Variants in SLC6A15 observed in about 807,000 individuals in gnomAD.
SLC6A15 encodes solute carrier family 6 member 15.
Under a neutral mutation model 68.5 loss-of-function variants are expected in SLC6A15, and 33 were observed. That is an observed-to-expected ratio of 0.48 (90% confidence interval 0.37 to 0.64). The LOEUF (loss-of-function observed/expected upper bound fraction) is 0.64. Among genes scored for constraint, SLC6A15 ranks in the 30% least tolerant of loss-of-function variants. The pLI is 0.00. For synonymous variants in SLC6A15, 347 were observed against 301.0 expected (o/e 1.15, Z -1.58); for missense variants, 747 against 874.3 (o/e 0.85, Z 1.84).
intron 5 of SLC6A15, 171 bp downstream of exon 5, chr12:84,883,688 C>T: frequency 6.5e-7 from 1 of 1,533,160 alleles, no homozygotes; most frequent in Non-Finnish European, 8.8e-7. Flanking sequence ...TTTTATTTGT[C>T]TTTTTAAAAA....
intron 1 of SLC6A15, among the ~76,000 whole-genome samples, chr12:84,911,551 T>C (rs1416965293): frequency 1.3e-5 from 2 of 152,132 alleles, no homozygotes; most frequent in African/African-American, 2.4e-5. Flanking sequence ...AAAACGCACA[T>C]CAAAGGCTGC....
intron 3 of SLC6A15, 65 bp from the exon 4 acceptor site, chr12:84,885,626 A>G: frequency 1.4e-6 from 2 of 1,442,578 alleles, no homozygotes; most frequent in Admixed American, 4.5e-5. Context: ...ATGAGATCAA[A>G]TGCATAAAAT....
intron 1 of SLC6A15, among the ~76,000 whole-genome samples, chr12:84,911,191 A>C (rs1457724037): frequency 1.3e-5 from 2 of 152,172 alleles, no homozygotes; most frequent in African/African-American, 2.4e-5. Flanking sequence ...GGCACAGCAG[A>C]AAAGCAATCA....
chr12:84,860,470 A>G lies in SLC6A15; in HGVS notation c.*1162T>C, dbSNP rs3825185. The G allele has an allele frequency of 3.9e-5, 6 of 152,242 alleles. No individual in the cohort carries two copies. The East Asian group carries it at 9.6e-4, about 24-fold the overall frequency. The allele number at this position is 152,242 out of a possible 1,614,324, so 9.4% of individuals were successfully genotyped here. A position where few individuals can be genotyped will look rare whatever the true frequency, so the allele number is the denominator to read the frequency against. On this transcript the variant is annotated 3_prime_UTR_variant, in exon 12 of 12. Transcript: ENST00000266682. ...AATCATAAGACTACATAAGAACACC[A>G]TTGAACCATAATACTCTATTTTTCC... is the stretch of plus-strand genomic sequence containing the variant.
At chr12:84,877,774 G>C (rs1871622239) in intron 5 of SLC6A15, among the ~76,000 whole-genome samples, 1 of 151,952 alleles carries the variant, frequency 6.6e-6, no homozygotes, top group Non-Finnish European at 1.5e-5. Flanking sequence ...TATTACCCTA[G>C]GTTTGTTGTT....
Position 84,885,484 on chromosome 12 carries a change from T to G in SLC6A15, c.525A>C (p.Gln175His), listed in dbSNP as rs773386994. 1.9e-6 allele frequency: 3 copies of G among 1,613,526 alleles called. No homozygotes were observed. The African/African-American group carries it at 4.0e-5, about 22-fold the overall frequency. Residue 175 changes from glutamine to histidine, a missense_variant, in exon 4 of 12, where the codon CAA becomes CAC. Physicochemically the swap from Gln to His is conservative, Grantham distance 24 (BLOSUM62 0). Coordinates refer to ENST00000266682, the MANE Select transcript of SLC6A15 (RefSeq NM_182767.6). ...AAGGACACTGATCCCAAGGCAGGGG[T>G]TGCTGAAAAGACTGAGAAAAATAAA... ...SLFYFSQSFQ[Q>H]PLPWDQCPLV...
intron 5 of SLC6A15, chr12:84,883,567 T>C (rs1047136720): frequency 3.0e-5 from 42 of 1,378,668 alleles, no homozygotes; most frequent in Non-Finnish European, 3.6e-5. Context: ...TTAGGACTAA[T>C]TGAATAAAGG....
intron 5 of SLC6A15, 26 bp downstream of exon 5, chr12:84,883,833 A>G: frequency 6.2e-7 from 1 of 1,614,098 alleles, no homozygotes. Context: ...GATTAGCAGA[A>G]TGAGGAAGGG....
chr12:84,875,668 A>G (rs1292809225), intron 6 of SLC6A15, among the ~76,000 whole-genome samples: 1 of 86 alleles, frequency 0.012, no homozygotes, highest in African/African-American at 0.018. Flanking sequence ...ATATATATAT[A>G]TATATATATA....
At chr12:84,902,997 T>C (rs1872955986) in intron 1 of SLC6A15, among the ~76,000 whole-genome samples, 1 of 152,120 alleles carries the variant, frequency 6.6e-6, no homozygotes, top group South Asian at 2.1e-4. Context: ...ATACTATGGA[T>C]TATACCAGCA....
chr12:84,866,989 CA>C (rs1253983534), intron 10 of SLC6A15, 44 bp downstream of exon 10: 2 of 1,385,074 alleles, frequency 1.4e-6, no homozygotes, highest in Non-Finnish European at 1.9e-6. Context: ...TTGATGTTTT[CA>C]AACTAGAGAT....
intron 2 of SLC6A15, among the ~76,000 whole-genome samples, chr12:84,889,973 A>T (rs1872314985): frequency 6.6e-6 from 1 of 152,160 alleles, no homozygotes; most frequent in Admixed American, 6.5e-5. Context: ...TTACTCAAAA[A>T]GTGCTTAAGT....
Position 84,867,171 on chromosome 12 carries a change from A to T in SLC6A15, c.1518T>A (p.Phe506Leu), listed in dbSNP as rs762762083. 6.2e-7 allele frequency: 1 copy of T among 1,603,328 alleles called. No homozygotes were observed. The highest frequency in any genetic ancestry group is 1.1e-5 in the South Asian group (1 of 88,424). ...GTTGCACAAATATCAGGCCAATACAAAATGCCAGAAGACAACAGATAACTA... is the reference window on the plus strand; with the variant it reads ...GTTGCACAAATATCAGGCCAATACATAATGCCAGAAGACAACAGATAACTA... ...ILTVICCLLA[F>L]CIGLIFVQRS... Residue 506 changes from phenylalanine (F) to leucine (L), a missense_variant, in exon 10 of 12, where the codon TTT (phenylalanine) becomes TTA (leucine). Physicochemically the swap from Phe to Leu is conservative, Grantham distance 22 (BLOSUM62 0). Transcript: ENST00000266682.
chr12:84,861,970 G>C lies in SLC6A15; in HGVS notation c.1855C>G (p.Leu619Val). The C allele has an allele frequency of 6.2e-7, 1 of 1,611,082 alleles. No individual in the cohort carries two copies. The highest frequency in any genetic ancestry group is 8.5e-7 in the Non-Finnish European group (1 of 1,178,890). Reference sequence around the variant, plus strand: ...ACAACCAGAGAGACACAAACAACCAGTCCCCATGTTGGATAGCTCAGAAAT... The same window carrying C: ...ACAACCAGAGAGACACAAACAACCACTCCCCATGTTGGATAGCTCAGAAAT... ...EEFLSYPTWG[L>V]VVCVSLVVFA... The change falls in exon 12 of 12, where the codon CTG becomes GTG. Residue 619 changes from leucine to valine, a missense_variant. Transcript: ENST00000266682.
intron 10 of SLC6A15, 26 bp downstream of exon 10, chr12:84,867,008 G>C (rs1179296445): frequency 4.7e-6 from 7 of 1,497,170 alleles, no homozygotes; most frequent in Non-Finnish European, 6.3e-6. Context: ...GATTAAAAGT[G>C]AATACATAAA....
At chr12:84,890,127 A>G (rs1872321093) in intron 2 of SLC6A15, among the ~76,000 whole-genome samples, 1 of 152,200 alleles carries the variant, frequency 6.6e-6, no homozygotes, top group Non-Finnish European at 1.5e-5. Flanking sequence ...ACCATTCTAA[A>G]GTGAAAAATC....
At chr12:84,875,669 T>C (rs1365390800) in intron 6 of SLC6A15, among the ~76,000 whole-genome samples, 1 of 100 alleles carries the variant, frequency 0.01, no homozygotes, top group Non-Finnish European at 0.024. Context: ...TATATATATA[T>C]ATATATATAT....
intron 1 of SLC6A15, among the ~76,000 whole-genome samples, chr12:84,910,323 A>T (rs950359793): frequency 1.3e-5 from 2 of 152,154 alleles, no homozygotes; most frequent in Non-Finnish European, 2.9e-5. Flanking sequence ...TGAAAGCTTT[A>T]TTTAGAGAAA....
Position 84,879,177 on chromosome 12 carries a change from C to T in SLC6A15, c.757-2570G>A, listed in dbSNP as rs570553056. 7.4e-4 allele frequency among the ~76,000 whole-genome samples: 112 copies of T among 151,900 alleles called. 3 individuals carry two copies. Among genetic ancestry groups the T allele is most frequent in the Non-Finnish European group, 1.0e-3 (68 of 67,864 alleles). ...TACTCAGCAGTCGTTGAGCTTTGTA[C>T]ATGCTGTTGTCTGTGCCTACACACA... On this transcript the variant is annotated intron_variant, in intron 5 of 11. Transcript: ENST00000266682.
Sources: allele counts gnomAD v4.1 joint callset (sites outside exome capture counted in the v4.1 genomes callset), GRCh38; gene constraint gnomAD v4.1.1; transcripts MANE v1.5; gene names NCBI Gene and HGNC (gene_info 2026-07-23, HGNC 2026-07-21).